Variants in CTNNA3 observed in about 807,000 individuals in gnomAD.
CTNNA3 encodes catenin alpha-3.
CTNNA3 carries 76 observed loss-of-function variants against 95.7 expected under a neutral mutation model. That is an observed-to-expected ratio of 0.79 (90% confidence interval 0.66 to 0.96). The LOEUF (loss-of-function observed/expected upper bound fraction) is 0.96, where lower values mean the gene tolerates loss of function less well. CTNNA3 is among the 40% of genes least tolerant of loss of function. The pLI is 0.00. For missense variants in CTNNA3, 1,191 were observed against 1,089.8 expected (o/e 1.09, Z -1.31); for synonymous variants, 431 against 374.4 (o/e 1.15, Z -1.74).
chr10:66,685,670 C>T (rs1435438838), intron 9 of CTNNA3, among the ~76,000 whole-genome samples: 11 of 151,564 alleles, frequency 7.3e-5, no homozygotes, highest in Non-Finnish European at 1.6e-4. Context: ...CCGCACCAGG[C>T]CAAGAACCAT....
chr10:66,664,746 T>A (rs1846382932), intron 9 of CTNNA3, among the ~76,000 whole-genome samples: 1 of 152,062 alleles, frequency 6.6e-6, no homozygotes, highest in East Asian at 1.9e-4. Flanking sequence ...AAAATCTCTC[T>A]CACTGATATT....
intron 12 of CTNNA3, among the ~76,000 whole-genome samples, chr10:66,323,452 T>C (rs1431775857): frequency 1.3e-5 from 2 of 151,834 alleles, no homozygotes; most frequent in Non-Finnish European, 2.9e-5. Context: ...GAGACCAGCC[T>C]GGGCAACATG....
chr10:67,114,479 C>G (rs1859069103), intron 7 of CTNNA3, among the ~76,000 whole-genome samples: 1 of 152,022 alleles, frequency 6.6e-6, no homozygotes, highest in Non-Finnish European at 1.5e-5. Flanking sequence ...CTAGTCCACA[C>G]AAAATGTATT....
intron 1 of CTNNA3, among the ~76,000 whole-genome samples, chr10:67,688,210 G>C (rs1004449897): frequency 9.2e-5 from 14 of 152,196 alleles, no homozygotes; most frequent in African/African-American, 2.9e-4. Flanking sequence ...AGGGAGAAGG[G>C]GACATGTACC....
chr10:66,627,991 A>G (rs1844997812), intron 9 of CTNNA3, among the ~76,000 whole-genome samples: 1 of 152,132 alleles, frequency 6.6e-6, no homozygotes, highest in Admixed American at 6.6e-5. Context: ...TCAGATGCCC[A>G]GGATCCATAT....
At chr10:67,102,586 T>C (rs535059739) in intron 7 of CTNNA3, among the ~76,000 whole-genome samples, 21 of 151,992 alleles carry the variant, frequency 1.4e-4, no homozygotes, top group African/African-American at 5.1e-4. Context: ...TAGCTCTCAT[T>C]TATAAATTTT....
intron 15 of CTNNA3, among the ~76,000 whole-genome samples, chr10:66,039,476 A>T (rs2079637412): frequency 6.6e-6 from 1 of 152,186 alleles, no homozygotes; most frequent in South Asian, 2.1e-4. Flanking sequence ...ACTTCAAACT[A>T]TACTATGGGG....
At chr10:66,822,167 T>A (rs1842326478) in intron 7 of CTNNA3, among the ~76,000 whole-genome samples, 1 of 150,444 alleles carries the variant, frequency 6.6e-6, no homozygotes, top group South Asian at 2.1e-4. Flanking sequence ...AATATGTTTA[T>A]ATTATATATT....
chr10:67,267,343 C>T (rs1302278468), intron 5 of CTNNA3, among the ~76,000 whole-genome samples: 2 of 151,956 alleles, frequency 1.3e-5, no homozygotes, highest in Admixed American at 1.3e-4. Flanking sequence ...CATGTAAAAG[C>T]GATATGAAAA....
intron 6 of CTNNA3, among the ~76,000 whole-genome samples, chr10:67,206,660 C>CAA (rs201288764): frequency 1.5e-5 from 2 of 137,928 alleles, no homozygotes; most frequent in African/African-American, 5.3e-5. Flanking sequence ...AAAAGACCTT[C>CAA]AAAAAAAAAA....
intron 15 of CTNNA3, among the ~76,000 whole-genome samples, chr10:66,044,026 C>T (rs961084339): frequency 2.3e-4 from 35 of 151,194 alleles, no homozygotes; most frequent in Admixed American, 4.0e-4. Flanking sequence ...GATGGAGTCT[C>T]ACTATGTCAC....
chr10:65,974,532 G>C (rs2126749), intron 16 of CTNNA3, among the ~76,000 whole-genome samples: 123,105 of 152,124 alleles, frequency 0.81, 49,985 homozygotes, highest in Non-Finnish European at 0.84. Context: ...CAAGTAGGAG[G>C]TAAAGAATGG....
chr10:67,222,399 T>C (rs1357334818), intron 5 of CTNNA3, among the ~76,000 whole-genome samples: 1 of 152,214 alleles, frequency 6.6e-6, no homozygotes, highest in Non-Finnish European at 1.5e-5. Context: ...TCGGTGTCTG[T>C]CTTTCTATCT....
At chr10:67,392,914 G>T (rs1844561194) in intron 5 of CTNNA3, among the ~76,000 whole-genome samples, 3 of 152,116 alleles carry the variant, frequency 2.0e-5, no homozygotes, top group Non-Finnish European at 4.4e-5. Context: ...TGTGGGGTGG[G>T]GGGAAGCAGG....
intron 1 of CTNNA3, among the ~76,000 whole-genome samples, chr10:67,703,424 A>T (rs1474908994): frequency 6.6e-6 from 1 of 152,072 alleles, no homozygotes; most frequent in African/African-American, 2.4e-5. Flanking sequence ...AAGCTTATCC[A>T]CCATGATCAA....
At chr10:67,437,915 G>A (rs1357021328) in intron 5 of CTNNA3, among the ~76,000 whole-genome samples, 1 of 151,332 alleles carries the variant, frequency 6.6e-6, no homozygotes, top group Non-Finnish European at 1.5e-5. Context: ...ATGGCTTGGA[G>A]GAAAATAAAT....
chr10:66,768,796 T>G (rs1274013903), intron 8 of CTNNA3, among the ~76,000 whole-genome samples: 1 of 139,136 alleles, frequency 7.2e-6, no homozygotes, highest in African/African-American at 2.7e-5. Flanking sequence ...AAAAAAAAAA[T>G]TAGAGTCAAA....
chr10:66,947,267 G>A (rs187873425), intron 7 of CTNNA3, among the ~76,000 whole-genome samples: 2 of 152,252 alleles, frequency 1.3e-5, no homozygotes, highest in East Asian at 1.9e-4. Context: ...CTCTAATGGG[G>A]TATCTTGTAC....
At chr10:67,390,481 G>C (rs1212959987) in intron 5 of CTNNA3, among the ~76,000 whole-genome samples, 1 of 152,058 alleles carries the variant, frequency 6.6e-6, no homozygotes, top group Non-Finnish European at 1.5e-5. Flanking sequence ...GAGGTACAAG[G>C]AGGAACTGGT....
Sources: allele counts gnomAD v4.1 joint callset (sites outside exome capture counted in the v4.1 genomes callset), GRCh38; gene constraint gnomAD v4.1.1; transcripts MANE v1.5; gene names NCBI Gene and HGNC (gene_info 2026-07-23, HGNC 2026-07-21).